CADPS2: variants seen among roughly 807,000 people sequenced by gnomAD.
CADPS2 encodes the protein calcium-dependent secretion activator 2.
In CADPS2, 93 loss-of-function variants were observed where a neutral mutation model predicts 172.5. That is an observed-to-expected ratio of 0.54 (90% confidence interval 0.46 to 0.64). The LOEUF is 0.64. CADPS2 is among the 30% of genes least tolerant of loss of function. The pLI is 0.00. For missense variants in CADPS2, 1,420 were observed against 1,565.9 expected, an observed-to-expected ratio of 0.91 and a Z score of 1.57; for synonymous variants, 546 against 555.2, an observed-to-expected ratio of 0.98 and a Z score of 0.23.
intron 28 of CADPS2, among the ~76,000 whole-genome samples, chr7:122,326,946 T>C (rs2033988920): frequency 6.6e-6 from 1 of 152,062 alleles, no homozygotes; most frequent in African/African-American, 2.4e-5. Context: ...ATATACTAAA[T>C]AATAGCAATC....
chr7:122,484,031 A>T (rs545716620), intron 11 of CADPS2, among the ~76,000 whole-genome samples: 1 of 151,978 alleles, frequency 6.6e-6, no homozygotes, highest in Non-Finnish European at 1.5e-5. Context: ...GTTTTCCAAA[A>T]TTTTCCAAGG....
chr7:122,695,690 T>C (rs1223227438), intron 2 of CADPS2, among the ~76,000 whole-genome samples: 2 of 152,150 alleles, frequency 1.3e-5, no homozygotes, highest in African/African-American at 2.4e-5. Flanking sequence ...AGAACATCCA[T>C]AGAAAATTCT....
intron 7 of CADPS2, among the ~76,000 whole-genome samples, chr7:122,577,476 G>A (rs1419921253): frequency 6.6e-6 from 1 of 152,108 alleles, no homozygotes; most frequent in Middle Eastern, 3.2e-3. Context: ...ATTCGTCTAT[G>A]CCACTGCATT....
At chr7:122,557,201 A>T (rs2065138383) in intron 7 of CADPS2, among the ~76,000 whole-genome samples, 1 of 152,136 alleles carries the variant, frequency 6.6e-6, no homozygotes. Context: ...AGGCTCCCAA[A>T]TTGCACAAGC....
chr7:122,370,494 G>C (rs978900560), intron 25 of CADPS2, among the ~76,000 whole-genome samples: 2 of 152,178 alleles, frequency 1.3e-5, no homozygotes, highest in African/African-American at 2.4e-5. Flanking sequence ...TGATGCCAGA[G>C]CACATTCCTT....
intron 5 of CADPS2, among the ~76,000 whole-genome samples, chr7:122,619,002 T>G (rs2075280065): frequency 6.6e-6 from 1 of 152,150 alleles, no homozygotes; most frequent in African/African-American, 2.4e-5. Flanking sequence ...TGCAAACTTC[T>G]CAGACCATGC....
At chr7:122,703,356 G>A (rs529522291) in intron 2 of CADPS2, among the ~76,000 whole-genome samples, 14 of 151,866 alleles carry the variant, frequency 9.2e-5, no homozygotes, top group South Asian at 2.1e-4. Flanking sequence ...CAACACTACC[G>A]AATATGGCAT....
At chr7:122,542,379 T>C (rs2063192469) in intron 8 of CADPS2, among the ~76,000 whole-genome samples, 2 of 152,156 alleles carry the variant, frequency 1.3e-5, no homozygotes, top group South Asian at 2.1e-4. Context: ...CTCTCAGATA[T>C]GATAGTAAGT....
chr7:122,612,966 T>C (rs2074471493), intron 6 of CADPS2, among the ~76,000 whole-genome samples: 1 of 152,072 alleles, frequency 6.6e-6, no homozygotes, highest in Non-Finnish European at 1.5e-5. Context: ...TTTCAACAAA[T>C]GGTGTTGGGA....
At chr7:122,428,528 C>T (rs1186038009) in intron 17 of CADPS2, among the ~76,000 whole-genome samples, 2 of 149,354 alleles carry the variant, frequency 1.3e-5, no homozygotes, top group Non-Finnish European at 1.5e-5. Context: ...AGTACAGTGG[C>T]GCAATCACGG....
rs34472895 is a variant in CADPS2 at position 122,827,632 on chromosome 7, C to CAA, written c.339+58365_339+58366dup. 2.4e-3 allele frequency among the ~76,000 whole-genome samples: 334 copies of CAA among 137,188 alleles called. 3 individuals carry two copies. Among genetic ancestry groups the CAA allele is most frequent in the Middle Eastern group, 0.016 (4 of 258 alleles). The allele number at this position is 137,188 out of a possible 152,430, so 90.0% of individuals were successfully genotyped here. On this transcript the variant is annotated intron_variant, in intron 1 of 29. Coordinates refer to ENST00000449022, the MANE Select transcript of CADPS2 (RefSeq NM_017954.11). Reference sequence around the variant, plus strand: ...GGGCAACATGAGCGAAATTCCATCTCAAAAAAAAAAAAGAAATGAAAAGAA... The same window carrying CAA: ...GGGCAACATGAGCGAAATTCCATCTCAAAAAAAAAAAAAAGAAATGAAAAGAA...
intron 24 of CADPS2, among the ~76,000 whole-genome samples, chr7:122,383,026 G>C (rs2151390548): frequency 6.6e-6 from 1 of 152,122 alleles, no homozygotes; most frequent in East Asian, 1.9e-4. Flanking sequence ...AAAACCACTT[G>C]AACTTGTATG....
intron 8 of CADPS2, among the ~76,000 whole-genome samples, chr7:122,532,898 AG>A (rs1265203186): frequency 6.6e-6 from 1 of 152,156 alleles, no homozygotes; most frequent in Non-Finnish European, 1.5e-5. Context: ...CTTACAAAAA[AG>A]GAACACTAAA....
intron 10 of CADPS2, among the ~76,000 whole-genome samples, chr7:122,490,981 G>A (rs1231263289): frequency 1.3e-5 from 2 of 152,056 alleles, no homozygotes; most frequent in African/African-American, 2.4e-5. Context: ...TAATTCATTT[G>A]CCATTTCTTT....
intron 20 of CADPS2, among the ~76,000 whole-genome samples, chr7:122,402,035 T>A (rs866885177): frequency 6.6e-6 from 1 of 152,190 alleles, no homozygotes; most frequent in Non-Finnish European, 1.5e-5. Context: ...GATGTTTTTT[T>A]ATTTTTTTCT....
At position 122,629,180 on chromosome 7, in the gene CADPS2, T is replaced by C. The variant is rs2076345551; in HGVS notation, c.867+68A>G. On this transcript the variant is annotated intron_variant, in intron 4 of 29. Coordinates refer to ENST00000449022, the MANE Select transcript of CADPS2 (RefSeq NM_017954.11). ...TTTTTTTTTAACCTATACAAAACAC[T>C]TTTTCAGCTCACAGAAATCTAGGTA... 4 of 1,295,934 alleles carry C rather than the reference T, an allele frequency of 3.1e-6. No individual in the cohort carries two copies. In the South Asian group the frequency reaches 5.6e-5, roughly 18 times the overall value. 80.3% of individuals were successfully genotyped at this position (1,295,934 alleles called of 1,614,324 possible). A position where few individuals can be genotyped will look rare whatever the true frequency, so the allele number is the denominator to read the frequency against.
intron 2 of CADPS2, among the ~76,000 whole-genome samples, chr7:122,677,360 C>A (rs184985678): frequency 2.1e-4 from 32 of 152,272 alleles, no homozygotes; most frequent in African/African-American, 7.7e-4. Flanking sequence ...GTAGAGGGAA[C>A]ACAGCCTATC....
intron 27 of CADPS2, among the ~76,000 whole-genome samples, chr7:122,360,140 C>T (rs1473885106): frequency 1.3e-5 from 2 of 152,090 alleles, no homozygotes; most frequent in Non-Finnish European, 2.9e-5. Context: ...AGGCCTTGAT[C>T]ATATAGGTGA....
intron 17 of CADPS2, among the ~76,000 whole-genome samples, chr7:122,433,715 T>C (rs1216000477): frequency 6.6e-6 from 1 of 152,238 alleles, no homozygotes; most frequent in African/African-American, 2.4e-5. Flanking sequence ...TTTTTCTCTT[T>C]TCTAAACAAG....
Sources: allele counts gnomAD v4.1 joint callset (sites outside exome capture counted in the v4.1 genomes callset), GRCh38; gene constraint gnomAD v4.1.1; transcripts MANE v1.5; gene names NCBI Gene and HGNC (gene_info 2026-07-23, HGNC 2026-07-21).